Variants in ABCA13 observed in about 807,000 individuals in gnomAD.
ABCA13 encodes the protein ATP-binding cassette sub-family A member 13.
ABCA13 carries 476 observed loss-of-function variants against 478.7 expected under a neutral mutation model. The ratio of observed to expected loss-of-function variants is 0.99; its 90% CI spans 0.92 to 1.07. ABCA13 has a LOEUF of 1.07. Among genes scored for constraint, ABCA13 ranks in the 50% least tolerant of loss-of-function variants. The pLI is 0.00. For synonymous variants in ABCA13, 2,252 were observed against 2,158.9 expected (o/e 1.04, Z -1.20); for missense variants, 6,060 against 5,910.6 (o/e 1.03, Z -0.83).
At position 48,272,214 on chromosome 7, in the gene ABCA13, T is replaced by C. The variant is rs773714507; in HGVS notation, c.2548T>C (p.Leu850=). 8 of 1,611,514 alleles carry C rather than the reference T, an allele frequency of 5.0e-6. No individual in the cohort carries two copies. Among genetic ancestry groups the C allele is most frequent in the African/African-American group, 4.0e-5 (3 of 74,776 alleles). The change falls in exon 17 of 62, where the codon TTG becomes CTG. Residue 850 remains leucine (L), a synonymous_variant. Coordinates refer to ENST00000435803, the MANE Select transcript of ABCA13 (RefSeq NM_152701.5). The stretch of plus-strand genomic sequence containing the variant: ...CATTTCAAAAGGAAAAAGAGCTAAA[T>C]TGGAAAACTTCTTTACACTTTTAAA... ...YGISKGKRAK[L]ENFFTLLNFS...
chr7:48,478,602 C>T (rs67985903), intron 45 of ABCA13, among the ~76,000 whole-genome samples: 17,753 of 151,782 alleles, frequency 0.12, 1,270 homozygotes, highest in Admixed American at 0.16. Flanking sequence ...CAGGTTATGG[C>T]GGGAGAAGAC....
Position 48,278,517 on chromosome 7 carries a change from G to A in ABCA13, c.7323G>A (p.Leu2441=), listed in dbSNP as rs755589892. 8 of 1,613,862 alleles carry A rather than the reference G, an allele frequency of 5.0e-6. No individual in the cohort carries two copies. The South Asian group carries it at 8.8e-5, about 18-fold the overall frequency. Residue 2441 remains leucine (L), a synonymous_variant, in exon 18 of 62, where the codon TTG becomes TTA. Transcript: ENST00000435803. ...CTCCTAATAAGGACTTCTATGCTTTGTATCCTACCCTCCAAGAAGTTATAC... is the reference window on the plus strand; with the variant it reads ...CTCCTAATAAGGACTTCTATGCTTTATATCCTACCCTCCAAGAAGTTATAC... ...LHSPNKDFYA[L]YPTLQEVILA...
chr7:48,343,346 C>A (rs1291203843), intron 29 of ABCA13, among the ~76,000 whole-genome samples: 1 of 152,210 alleles, frequency 6.6e-6, no homozygotes, highest in African/African-American at 2.4e-5. Flanking sequence ...AGGGAAATTT[C>A]CAGTTTCCTG....
intron 59 of ABCA13, among the ~76,000 whole-genome samples, chr7:48,634,085 CA>C (rs1330811846): frequency 6.6e-6 from 1 of 151,958 alleles, no homozygotes; most frequent in African/African-American, 2.4e-5. Context: ...TCTGGGTAAA[CA>C]AAAAAATTAA....
chr7:48,359,879 G>T (rs1810545436), intron 31 of ABCA13, among the ~76,000 whole-genome samples: 1 of 151,972 alleles, frequency 6.6e-6, no homozygotes, highest in African/African-American at 2.4e-5. Context: ...GCAAGTAACA[G>T]ATCAAATACC....
chr7:48,382,973 G>T (rs2129045965), intron 35 of ABCA13, among the ~76,000 whole-genome samples: 1 of 152,186 alleles, frequency 6.6e-6, no homozygotes, highest in African/African-American at 2.4e-5. Context: ...CTTCTGCCCT[G>T]CTCCTTTGTC....
chr7:48,190,379 A>C (rs184656328), intron 1 of ABCA13, among the ~76,000 whole-genome samples: 59 of 152,310 alleles, frequency 3.9e-4, no homozygotes, highest in Non-Finnish European at 7.1e-4. Flanking sequence ...GTAATCAACT[A>C]TAATAGAGTA....
At chr7:48,311,583 T>C (rs1563024310) in intron 24 of ABCA13, among the ~76,000 whole-genome samples, 1 of 152,192 alleles carries the variant, frequency 6.6e-6, no homozygotes, top group Non-Finnish European at 1.5e-5. Context: ...ACATAATTAC[T>C]GTGACAAGGG....
intron 41 of ABCA13, among the ~76,000 whole-genome samples, chr7:48,426,925 T>TC (rs1464190426): frequency 1.3e-5 from 1 of 76,468 alleles, no homozygotes; most frequent in African/African-American, 6.6e-5. Context: ...CGTGGTGCAG[T>TC]CCTATGCCTG....
intron 23 of ABCA13, among the ~76,000 whole-genome samples, chr7:48,309,163 C>T (rs1297505229): frequency 2.0e-5 from 3 of 151,588 alleles, no homozygotes; most frequent in Non-Finnish European, 4.4e-5. Context: ...GTTGAGTTCT[C>T]CGTGCTCTTC....
In ABCA13 at chr7:48,520,178, T is replaced by C; in HGVS notation, c.13935T>C (p.Tyr4645=). 3 of 1,613,790 alleles carry C rather than the reference T, an allele frequency of 1.9e-6. No individual in the cohort carries two copies. The highest frequency in any genetic ancestry group is 1.7e-6 in the Non-Finnish European group (2 of 1,179,822). The stretch of plus-strand genomic sequence containing the variant: ...CCCACAACTTCGGCATTGATTCCTA[T>C]GTGAGTCCCTTTGAGATGAACTTTC... ...DLTHNFGIDS[Y]VSPFEMNFLG... is the part of the protein sequence containing the mutation. The change falls in exon 53 of 62, where the codon TAT becomes TAC. Residue 4645 remains tyrosine (Y), a synonymous_variant. Transcript: ENST00000435803.
At chr7:48,232,143 T>TTTTTTTTTTTTTTTTTTTTTTTTTTTTC (rs1395563359) in intron 7 of ABCA13, among the ~76,000 whole-genome samples, 1 of 101,572 alleles carries the variant, frequency 9.8e-6, no homozygotes, top group East Asian at 3.4e-4. Flanking sequence ...CATGGAATTT[T>TTTTTTTTTTTTTTTTTTTTTTTTTTTTC]TTTTTTTTTT....
intron 45 of ABCA13, among the ~76,000 whole-genome samples, 171 bp downstream of exon 45, chr7:48,471,770 G>T (rs539026580): frequency 6.6e-6 from 1 of 152,292 alleles, no homozygotes; most frequent in Non-Finnish European, 1.5e-5. Context: ...AATATTTATA[G>T]AACACAGATG....
chr7:48,505,390 GT>G (rs1563364568), intron 48 of ABCA13, among the ~76,000 whole-genome samples: 2 of 152,104 alleles, frequency 1.3e-5, no homozygotes, highest in African/African-American at 2.4e-5. Flanking sequence ...AGGATTTAAT[GT>G]GCTCTCATAA....
chr7:48,288,102 A>G, intron 20 of ABCA13, 24 bp downstream of exon 20: 1 of 1,598,882 alleles, frequency 6.3e-7, no homozygotes, highest in East Asian at 2.2e-5. Flanking sequence ...AATATTTCAG[A>G]GAATTTCATG....
intron 59 of ABCA13, among the ~76,000 whole-genome samples, chr7:48,633,806 C>T (rs958757225): frequency 6.6e-6 from 1 of 151,888 alleles, no homozygotes; most frequent in African/African-American, 2.4e-5. Context: ...GGAGAATCAC[C>T]TTAACCTGGG....
intron 54 of ABCA13, 73 bp from the exon 55 acceptor site, chr7:48,528,163 A>T (rs548104536): frequency 2.6e-4 from 342 of 1,297,840 alleles, no homozygotes; most frequent in Non-Finnish European, 3.6e-4. Context: ...TATAATTTTG[A>T]TTTTATTTAA....
At chr7:48,352,519 T>C (rs747835764) in intron 31 of ABCA13, 32 bp downstream of exon 31, 1 of 1,536,678 alleles carries the variant, frequency 6.5e-7, no homozygotes, top group Admixed American at 2.1e-5. Flanking sequence ...CCACCGACAG[T>C]GAGAAGGGCC....
chr7:48,316,014 T>G (rs531974041), intron 26 of ABCA13, among the ~76,000 whole-genome samples: 14 of 152,050 alleles, frequency 9.2e-5, no homozygotes, highest in Non-Finnish European at 1.9e-4. Flanking sequence ...TCTTGATGAG[T>G]AAAGAAATAG....
Sources: gnomAD v4.1 joint callset for allele counts (sites outside exome capture counted in the v4.1 genomes callset) on GRCh38, gnomAD v4.1.1 for gene constraint, MANE v1.5 for transcripts, NCBI Gene and HGNC (gene_info 2026-07-23, HGNC 2026-07-21) for gene names.